The following APOD variants were observed in gnomAD, a reference collection of about 807,000 sequenced individuals.
The protein encoded by APOD is apo-D.
Under a neutral mutation model 20.4 loss-of-function variants are expected in APOD, and 22 were observed. The ratio of observed to expected loss-of-function variants is 1.08; its 90% CI spans 0.77 to 1.54. The LOEUF (loss-of-function observed/expected upper bound fraction) is 1.54, where lower values mean the gene tolerates loss of function less well. Among genes scored for constraint, APOD ranks in the 40% most tolerant of loss-of-function variants. APOD has a pLI of 0.00. For synonymous variants in APOD, 97 were observed against 92.4 expected (o/e 1.05, Z -0.29); for missense variants, 223 against 229.6 (o/e 0.97, Z 0.19).
chr3:195,574,776 G>A (rs1229800802), intron 2 of APOD, among the ~76,000 whole-genome samples: 3 of 152,188 alleles, frequency 2.0e-5, no homozygotes, highest in Non-Finnish European at 4.4e-5. Context: ...AGCATTAGTA[G>A]GGGGCTGGGT....
intron 2 of APOD, chr3:195,576,995 G>A: frequency 5.3e-6 from 1 of 188,026 alleles, no homozygotes; most frequent in South Asian, 7.7e-5. Flanking sequence ...GACCAGCCTG[G>A]GCAACATGGT....
At position 195,569,682 on chromosome 3, in the gene APOD, T is replaced by C. The variant is rs187835612; in HGVS notation, c.335-547A>G. Reference sequence around the variant, plus strand: ...GTCTCCTATTGTTTATGGAAGAAACTTCAAGCCTTTTAATGTGGCATTCAA... The same window carrying C: ...GTCTCCTATTGTTTATGGAAGAAACCTCAAGCCTTTTAATGTGGCATTCAA... On this transcript the variant is annotated intron_variant, in intron 4 of 4. Coordinates refer to ENST00000343267, the MANE Select transcript of APOD (RefSeq NM_001647.4). Among the ~76,000 whole-genome samples, 764 of 152,000 alleles carry C rather than the reference T, an allele frequency of 5.0e-3. 8 individuals carry two copies. Among genetic ancestry groups the C allele is most frequent in the African/African-American group, 0.017 (693 of 41,442 alleles).
chr3:195,574,357 CG>C (rs1720216528), intron 2 of APOD, among the ~76,000 whole-genome samples: 1 of 152,192 alleles, frequency 6.6e-6, no homozygotes, highest in Non-Finnish European at 1.5e-5. Context: ...CCAGAGCGCA[CG>C]GAACTTTCCT....
Position 195,573,991 on chromosome 3 carries a change from A to T in APOD, c.124-20T>A. On this transcript the variant is annotated intron_variant, in intron 2 of 4. Coordinates refer to ENST00000343267, the MANE Select transcript of APOD (RefSeq NM_001647.4). ...GAGATACTGCAGAGACAACAAGCAG[A>T]GCAAAACCCTGTGGTTCTCTGGGGA... 1 of 1,612,918 alleles carries T rather than the reference A, an allele frequency of 6.2e-7. No individual in the cohort carries two copies. Among genetic ancestry groups the T allele is most frequent in the Non-Finnish European group, 8.5e-7 (1 of 1,179,366 alleles).
intron 4 of APOD, among the ~76,000 whole-genome samples, chr3:195,570,255 T>C (rs907066351): frequency 2.0e-5 from 3 of 152,226 alleles, no homozygotes; most frequent in African/African-American, 7.2e-5. Flanking sequence ...ACTCTACTTC[T>C]AATGAGTTCA....
chr3:195,579,593 C>A (rs538669552), intron 1 of APOD, 98 bp from the exon 2 acceptor site: 3 of 1,321,464 alleles, frequency 2.3e-6, no homozygotes, highest in East Asian at 5.0e-5. Context: ...CCTCTGTGGG[C>A]GGTCCCTCCT....
rs1720212075 is a variant in APOD at position 195,574,099 on chromosome 3, TG to T, written c.124-129del. ...ACAAAATGGGCCTCATTGTTCCCAG[TG>T]GCAACTGGGCAAGAGATTGATTGCA... On this transcript the variant is annotated intron_variant, in intron 2 of 4. Transcript: ENST00000343267. 4 of 1,303,290 alleles carry T rather than the reference TG, an allele frequency of 3.1e-6. No individual in the cohort carries two copies. The Admixed American group carries it at 9.8e-5, about 32-fold the overall frequency. The allele number at this position is 1,303,290 out of a possible 1,614,324, so 80.7% of individuals were successfully genotyped here. A position where few individuals can be genotyped will look rare whatever the true frequency, so the allele number is the denominator to read the frequency against.
chr3:195,581,484 G>A (rs2108971690), intron 1 of APOD, among the ~76,000 whole-genome samples: 2 of 152,306 alleles, frequency 1.3e-5, no homozygotes, highest in South Asian at 4.1e-4. Flanking sequence ...CACACACTAT[G>A]CACATTCCAC....
chr3:195,568,921 C>T lies in APOD; in HGVS notation c.549G>A (p.Val183=). ...CTGGTTACGAGAGCTTGGGGCAGTT[C>T]ACCTGGTCTGTGACCGTCATTTTCT... ...DVKKMTVTDQ[V]NCPKLS Residue 183 remains valine (V), a synonymous_variant, in exon 5 of 5, where the codon GTG becomes GTA. Coordinates refer to ENST00000343267, the MANE Select transcript of APOD (RefSeq NM_001647.4). The T allele has an allele frequency of 1.2e-6, 2 of 1,613,884 alleles. No individual in the cohort carries two copies. Among genetic ancestry groups the T allele is most frequent in the Non-Finnish European group, 1.7e-6 (2 of 1,179,880 alleles).
At chr3:195,580,976 G>T (rs1201010648) in intron 1 of APOD, among the ~76,000 whole-genome samples, 1 of 152,162 alleles carries the variant, frequency 6.6e-6, no homozygotes, top group Non-Finnish European at 1.5e-5. Flanking sequence ...GCTATTTCCA[G>T]CTCTCTGCAT....
chr3:195,573,373 TA>T (rs1399449416), intron 3 of APOD, among the ~76,000 whole-genome samples: 1 of 152,230 alleles, frequency 6.6e-6, no homozygotes, highest in African/African-American at 2.4e-5. Context: ...CCTGTTTACA[TA>T]ACCTAGAGTG....
rs928366936 is a variant in APOD at position 195,573,541 on chromosome 3, G to A, written c.245+309C>T. On this transcript the variant is annotated intron_variant, in intron 3 of 4. Transcript: ENST00000343267. The stretch of plus-strand genomic sequence containing the variant: ...GATGCTTCTGTCAGCAGATGGTGTC[G>A]AAGCGGCTTCTCTCCCAGACTGGAG... 3.9e-5 allele frequency among the ~76,000 whole-genome samples: 6 copies of A among 152,334 alleles called. No individual in the cohort carries two copies. In the East Asian group the frequency reaches 5.8e-4, roughly 15 times the overall value.
At chr3:195,578,085 T>C (rs35213427) in intron 2 of APOD, among the ~76,000 whole-genome samples, 28,841 of 152,252 alleles carry the variant, frequency 0.19, 3,075 homozygotes, top group Non-Finnish European at 0.26. Flanking sequence ...TCAATAAAGC[T>C]GCTATTTTTT....
At chr3:195,581,820 CT>C (rs1720343132) in intron 1 of APOD, among the ~76,000 whole-genome samples, 1 of 152,228 alleles carries the variant, frequency 6.6e-6, no homozygotes, top group Non-Finnish European at 1.5e-5. Flanking sequence ...AGAACAACCC[CT>C]TTGACTGACC....
At position 195,573,877 on chromosome 3, in the gene APOD, T is replaced by C. The variant is rs1232235588; in HGVS notation, c.218A>G (p.Lys73Arg). ...QANYSLMENG[K>R]IKVLNQELRA... ...CAACTCCTGGTTTAACACTTTGATC[T>C]TTCCGTTTTCCATTAGTGAGTAGTT... is the stretch of plus-strand genomic sequence containing the variant. The change falls in exon 3 of 5, where the codon AAG becomes AGG. Residue 73 changes from lysine (K) to arginine (R), a missense_variant. Physicochemically the swap from Lys to Arg is conservative, Grantham distance 26 (BLOSUM62 2). Coordinates refer to ENST00000343267, the MANE Select transcript of APOD (RefSeq NM_001647.4). 2 of 1,614,166 alleles carry C rather than the reference T, an allele frequency of 1.2e-6. No individual in the cohort carries two copies. The highest frequency in any genetic ancestry group is 1.3e-5 in the African/African-American group (1 of 75,050).
intron 3 of APOD, among the ~76,000 whole-genome samples, 199 bp from the exon 4 acceptor site, chr3:195,571,564 G>C (rs969047845): frequency 2.6e-5 from 4 of 152,054 alleles, no homozygotes; most frequent in African/African-American, 9.7e-5. Context: ...CCTTGTGACT[G>C]TCTCTGAGGC....
At chr3:195,571,227 G>T in intron 4 of APOD, 50 bp downstream of exon 4, 2 of 1,530,696 alleles carry the variant, frequency 1.3e-6, no homozygotes, top group Non-Finnish European at 1.8e-6. Context: ...CTAGCCTTCA[G>T]TTTGCATATT....
At chr3:195,570,790 G>A (rs1242475029) in intron 4 of APOD, 1 of 165,780 alleles carries the variant, frequency 6.0e-6, no homozygotes, top group Non-Finnish European at 1.3e-5. Context: ...CTGTCATTAG[G>A]TATCTCACAG....
intron 4 of APOD, 148 bp downstream of exon 4, chr3:195,571,129 G>C: frequency 1.3e-6 from 1 of 748,000 alleles, no homozygotes; most frequent in Non-Finnish European, 2.3e-6. Flanking sequence ...CCTAGTGCGT[G>C]ACATGTAGTA....
Sources: gnomAD v4.1 joint callset for allele counts (sites outside exome capture counted in the v4.1 genomes callset) on GRCh38, gnomAD v4.1.1 for gene constraint, MANE v1.5 for transcripts, NCBI Gene and HGNC (gene_info 2026-07-23, HGNC 2026-07-21) for gene names.